AKAP6: variants seen among roughly 807,000 people sequenced by gnomAD.
AKAP6 encodes A-kinase anchor protein 6.
AKAP6 carries 58 observed loss-of-function variants against 188.5 expected under a neutral mutation model. That is an observed-to-expected ratio of 0.31 (90% CI 0.25 to 0.38). The LOEUF is 0.38. Among genes scored for constraint, AKAP6 ranks in the 10% least tolerant of loss-of-function variants. The probability of loss-of-function intolerance (pLI) is 1.00; values close to 1 mark genes in which losing one functional copy is unlikely to be tolerated. For synonymous variants in AKAP6, 989 were observed against 998.6 expected (o/e 0.99, Z 0.18); for missense variants, 2,710 against 2,740.0 (o/e 0.99, Z 0.24).
chr14:32,564,838 C>T (rs1313925851), intron 4 of AKAP6, among the ~76,000 whole-genome samples: 2 of 151,916 alleles, frequency 1.3e-5, no homozygotes, highest in Non-Finnish European at 2.9e-5. Context: ...CAAATACTTT[C>T]TTTCCCAAGA....
chr14:32,342,503 A>T (rs1322085010), intron 1 of AKAP6, among the ~76,000 whole-genome samples: 1 of 152,184 alleles, frequency 6.6e-6, no homozygotes, highest in Non-Finnish European at 1.5e-5. Flanking sequence ...GATCTAGGTC[A>T]TGCTCTTCTA....
intron 9 of AKAP6, among the ~76,000 whole-genome samples, chr14:32,706,633 C>A (rs560798653): frequency 3.3e-5 from 5 of 152,058 alleles, no homozygotes; most frequent in Non-Finnish European, 7.4e-5. Context: ...TTCTCAGAAA[C>A]AAGAGCCTTC....
intron 1 of AKAP6, among the ~76,000 whole-genome samples, chr14:32,368,072 G>A (rs780162975): frequency 4.6e-5 from 7 of 151,952 alleles, no homozygotes; most frequent in Non-Finnish European, 7.4e-5. Context: ...AAATTTGAAG[G>A]CCCTTCATCC....
At chr14:32,829,699 ATTAT>A (rs1228603747) in intron 13 of AKAP6, 145 bp from the exon 14 acceptor site, 1 of 442,358 alleles carries the variant, frequency 2.3e-6, no homozygotes, top group African/African-American at 2.0e-5. Context: ...GGCTATTAAA[ATTAT>A]TTATATTTTA....
At chr14:32,533,899 A>C (rs1882549093) in intron 2 of AKAP6, among the ~76,000 whole-genome samples, 1 of 152,154 alleles carries the variant, frequency 6.6e-6, no homozygotes, top group Non-Finnish European at 1.5e-5. Flanking sequence ...TGTGGGTCAC[A>C]TTTGGGAGAA....
chr14:32,801,617 A>G (rs1050092312), intron 12 of AKAP6, among the ~76,000 whole-genome samples: 4 of 152,260 alleles, frequency 2.6e-5, no homozygotes, highest in Admixed American at 6.5e-5. Flanking sequence ...CTTTATGTCA[A>G]TCCAGGTTTC....
At chr14:32,410,631 G>A (rs1238376657) in intron 1 of AKAP6, among the ~76,000 whole-genome samples, 1 of 152,050 alleles carries the variant, frequency 6.6e-6, no homozygotes, top group Non-Finnish European at 1.5e-5. Flanking sequence ...TCATTGACAT[G>A]TATAATGAGA....
chr14:32,800,039 G>GTC (rs762313539), intron 12 of AKAP6, among the ~76,000 whole-genome samples: 1,736 of 112,698 alleles, frequency 0.015, 18 homozygotes, highest in Non-Finnish European at 0.023. Flanking sequence ...GCAAAACCCT[G>GTC]TCTCTCTCTC....
At chr14:32,769,919 ATATC>A (rs1484448134) in intron 11 of AKAP6, among the ~76,000 whole-genome samples, 3 of 152,196 alleles carry the variant, frequency 2.0e-5, no homozygotes, top group East Asian at 1.9e-4. Context: ...ATATAAGTAA[ATATC>A]TATCTGTTTG....
intron 1 of AKAP6, among the ~76,000 whole-genome samples, chr14:32,413,649 GCA>G (rs1322934325): frequency 1.3e-5 from 2 of 152,080 alleles, no homozygotes; most frequent in African/African-American, 4.8e-5. Context: ...ATAGCTCTTA[GCA>G]TAATGTCTTG....
intron 11 of AKAP6, among the ~76,000 whole-genome samples, chr14:32,744,280 G>A (rs2031797683): frequency 6.6e-6 from 1 of 151,244 alleles, no homozygotes; most frequent in Non-Finnish European, 1.5e-5. Flanking sequence ...AATCTGCTTG[G>A]TGTTATATTC....
At chr14:32,428,887 A>G (rs1020043488) in intron 1 of AKAP6, among the ~76,000 whole-genome samples, 4 of 152,250 alleles carry the variant, frequency 2.6e-5, no homozygotes, top group Non-Finnish European at 5.9e-5. Context: ...TTTAAAAAAA[A>G]GCCTTAAAAT....
intron 9 of AKAP6, among the ~76,000 whole-genome samples, chr14:32,712,929 G>A (rs2029975913): frequency 6.6e-6 from 1 of 151,944 alleles, no homozygotes; most frequent in Non-Finnish European, 1.5e-5. Flanking sequence ...CTTTTCAGAA[G>A]GTTTTCAATG....
intron 2 of AKAP6, among the ~76,000 whole-genome samples, chr14:32,483,483 T>A (rs905425418): frequency 2.0e-5 from 3 of 152,024 alleles, no homozygotes; most frequent in African/African-American, 4.8e-5. Context: ...TTTAAAAAAA[T>A]TATTTATTTA....
chr14:32,652,607 A>G (rs1888277499), intron 7 of AKAP6, among the ~76,000 whole-genome samples: 1 of 152,250 alleles, frequency 6.6e-6, no homozygotes, highest in Non-Finnish European at 1.5e-5. Context: ...AGATACTGCC[A>G]GCCATCACAC....
chr14:32,472,300 G>A (rs1878824395), intron 2 of AKAP6, among the ~76,000 whole-genome samples: 1 of 152,108 alleles, frequency 6.6e-6, no homozygotes, highest in Non-Finnish European at 1.5e-5. Context: ...AGGCAGCTGA[G>A]GGCAAGTCCC....
At position 32,615,167 on chromosome 14, in the gene AKAP6, C is replaced by CAAAAAAAAAAAAAAAAAAAAA. The variant is rs71115086; in HGVS notation, c.2730+14394_2730+14395insAAAAAAAAAAAAAAAAAAAAA. ...CTGGCAACAGAGCAAGACTCTGTCT[C>CAAAAAAAAAAAAAAAAAAAAA]AAAAAAAAAAAAAAAAAAAGATAAA... On this transcript the variant is annotated intron_variant, in intron 7 of 13. Coordinates refer to ENST00000280979, the MANE Select transcript of AKAP6 (RefSeq NM_004274.5). Among the ~76,000 whole-genome samples the CAAAAAAAAAAAAAAAAAAAAA allele has an allele frequency of 4.0e-3, 213 of 53,452 alleles. 24 individuals carry two copies. The highest frequency in any genetic ancestry group is 0.011 in the Middle Eastern group (1 of 88). 35.1% of individuals were successfully genotyped at this position (53,452 alleles called of 152,430 possible).
At chr14:32,367,095 C>G (rs1887859930) in intron 1 of AKAP6, among the ~76,000 whole-genome samples, 1 of 152,168 alleles carries the variant, frequency 6.6e-6, no homozygotes, top group South Asian at 2.1e-4. Flanking sequence ...GGAAGCCCTC[C>G]TGGGAACAGT....
intron 11 of AKAP6, among the ~76,000 whole-genome samples, chr14:32,753,853 C>T (rs921652467): frequency 1.3e-5 from 2 of 151,814 alleles, no homozygotes; most frequent in Admixed American, 1.3e-4. Context: ...TATTTTGGGG[C>T]TCTCTCTTCT....
Sources: allele counts gnomAD v4.1 joint callset (sites outside exome capture counted in the v4.1 genomes callset), GRCh38; gene constraint gnomAD v4.1.1; transcripts MANE v1.5; gene names NCBI Gene and HGNC (gene_info 2026-07-23, HGNC 2026-07-21).